SH3RF1: variants seen among roughly 807,000 people sequenced by gnomAD.
SH3RF1 encodes SH3 domain containing ring finger 1.
SH3RF1 carries 32 observed loss-of-function variants against 74.0 expected under a neutral mutation model. The observed-to-expected ratio is 0.43, with a 90% CI of 0.33 to 0.58. The LOEUF (loss-of-function observed/expected upper bound fraction) is 0.58. Among genes scored for constraint, SH3RF1 ranks in the 20% least tolerant of loss-of-function variants. The probability of loss-of-function intolerance (pLI) is 0.05; values close to 1 mark genes in which losing one functional copy is unlikely to be tolerated. For synonymous variants in SH3RF1, 396 were observed against 439.6 expected (o/e 0.90, Z 1.24); for missense variants, 954 against 1,130.9 (o/e 0.84, Z 2.24).
chr4:169,230,331 C>T (rs557894660), intron 2 of SH3RF1, among the ~76,000 whole-genome samples: 85 of 152,196 alleles, frequency 5.6e-4, no homozygotes, highest in Non-Finnish European at 1.1e-3. Context: ...CAAATAGAGC[C>T]GTGGATGCCC....
intron 11 of SH3RF1, among the ~76,000 whole-genome samples, chr4:169,100,796 C>T (rs556638393): frequency 6.6e-5 from 10 of 152,210 alleles, no homozygotes; most frequent in Non-Finnish European, 8.8e-5. Context: ...ACAGCTGTAG[C>T]TACTACTATC....
At chr4:169,152,236 A>C (rs185981327) in intron 4 of SH3RF1, among the ~76,000 whole-genome samples, 55 of 152,296 alleles carry the variant, frequency 3.6e-4, no homozygotes, top group African/African-American at 1.3e-3. Context: ...GTCTGAAAGA[A>C]TCTCCGGAGG....
At chr4:169,205,365 T>C (rs192040124) in intron 2 of SH3RF1, among the ~76,000 whole-genome samples, 1 of 152,350 alleles carries the variant, frequency 6.6e-6, no homozygotes, top group African/African-American at 2.4e-5. Context: ...CAGATTTCTA[T>C]CATAAAAACT....
chr4:169,237,008 A>G (rs1730832789), intron 2 of SH3RF1, among the ~76,000 whole-genome samples: 1 of 152,242 alleles, frequency 6.6e-6, no homozygotes, highest in Non-Finnish European at 1.5e-5. Flanking sequence ...ATACATACAT[A>G]AACAAGCACA....
rs867742842 is a variant in SH3RF1 at position 169,162,636 on chromosome 4, C to T, written c.394-5957G>A. Among the ~76,000 whole-genome samples, 10 of 152,338 alleles carry T rather than the reference C, an allele frequency of 6.6e-5. No homozygotes were observed. The South Asian group carries it at 2.1e-3, about 32-fold the overall frequency. On this transcript the variant is annotated intron_variant, in intron 2 of 11. Transcript: ENST00000284637. ...ACTACCAGCACTTTGAGGATGGCAG[C>T]TGCAAATAAACAGAAATTAAGACAA...
chr4:169,171,399 G>A (rs1358758014), intron 2 of SH3RF1, among the ~76,000 whole-genome samples: 2 of 152,150 alleles, frequency 1.3e-5, no homozygotes, highest in South Asian at 4.1e-4. Flanking sequence ...GTCTCATTAA[G>A]TGCTAAGCAG....
At chr4:169,158,590 G>C (rs1292166855) in intron 2 of SH3RF1, among the ~76,000 whole-genome samples, 1 of 152,204 alleles carries the variant, frequency 6.6e-6, no homozygotes, top group Non-Finnish European at 1.5e-5. Context: ...GATCAGTCTG[G>C]CAGTAGTGTG....
At chr4:169,111,573 T>C (rs1222065237) in intron 10 of SH3RF1, among the ~76,000 whole-genome samples, 1 of 151,984 alleles carries the variant, frequency 6.6e-6, no homozygotes, top group East Asian at 1.9e-4. Flanking sequence ...CCTTAATCTT[T>C]TTATAACAAC....
At chr4:169,140,583 AAAT>A (rs1417242332) in intron 4 of SH3RF1, among the ~76,000 whole-genome samples, 1 of 152,246 alleles carries the variant, frequency 6.6e-6, no homozygotes, top group Non-Finnish European at 1.5e-5. Flanking sequence ...AAGTATAAAT[AAAT>A]ATGAGATGAA....
At chr4:169,148,415 T>G (rs139903414) in intron 4 of SH3RF1, among the ~76,000 whole-genome samples, 37 of 152,314 alleles carry the variant, frequency 2.4e-4, no homozygotes, top group African/African-American at 7.9e-4. Flanking sequence ...AGTACTACAA[T>G]TATATGGCGA....
intron 2 of SH3RF1, among the ~76,000 whole-genome samples, chr4:169,197,119 C>T (rs1183404981): frequency 6.6e-6 from 1 of 152,038 alleles, no homozygotes; most frequent in African/African-American, 2.4e-5. Context: ...AATTATCCTG[C>T]CTCAGCCTCC....
intron 4 of SH3RF1, among the ~76,000 whole-genome samples, chr4:169,148,685 C>A (rs1579107181): frequency 6.6e-6 from 1 of 151,982 alleles, no homozygotes. Flanking sequence ...ATGGTACAAA[C>A]GGGGTACTGT....
rs141868581 is a variant in SH3RF1 at position 169,162,145 on chromosome 4, A to G, written c.394-5466T>C. ...GCACTCCAGCCTGGGCAATAGAGTG[A>G]GACTCCGTCTCAGAAAAAAAAGTAA... On this transcript the variant is annotated intron_variant, in intron 2 of 11. Coordinates refer to ENST00000284637, the MANE Select transcript of SH3RF1 (RefSeq NM_020870.4). Among the ~76,000 whole-genome samples, 293 of 152,328 alleles carry G rather than the reference A, an allele frequency of 1.9e-3. 3 individuals are homozygous for G. Among genetic ancestry groups the G allele is most frequent in the African/African-American group, 6.9e-3 (286 of 41,570 alleles).
In SH3RF1 at chr4:169,124,381, T is replaced by C. The variant is rs77562442; in HGVS notation, c.1180-2115A>G. 1.7e-3 allele frequency among the ~76,000 whole-genome samples: 265 copies of C among 152,300 alleles called. 6 individuals are homozygous for C. In the East Asian group the frequency reaches 0.034, roughly 20 times the overall value. On this transcript the variant is annotated intron_variant, in intron 6 of 11. Coordinates refer to ENST00000284637, the MANE Select transcript of SH3RF1 (RefSeq NM_020870.4). Reference sequence around the variant, plus strand: ...TTGTAATATAAATAAAATTTTGTAATAAAATATAAAATCACTTCTTGTCAC... The same window carrying C: ...TTGTAATATAAATAAAATTTTGTAACAAAATATAAAATCACTTCTTGTCAC...
intron 2 of SH3RF1, among the ~76,000 whole-genome samples, chr4:169,234,674 T>G (rs1166788254): frequency 6.6e-6 from 1 of 152,230 alleles, no homozygotes; most frequent in African/African-American, 2.4e-5. Flanking sequence ...CCTCATACCA[T>G]TTCCAATAGA....
rs1426323521 is a variant in SH3RF1 at position 169,136,520 on chromosome 4, G to A, written c.866C>T (p.Ala289Val). The A allele has an allele frequency of 2.5e-6, 4 of 1,613,834 alleles. No homozygotes were observed. Among genetic ancestry groups the A allele is most frequent in the Non-Finnish European group, 3.4e-6 (4 of 1,179,870 alleles). The change falls in exon 5 of 12, where the codon GCC (alanine) becomes GTC (valine). Residue 289 changes from alanine (A) to valine (V), a missense_variant. By Grantham distance (64) the Ala-to-Val change is moderately conservative (BLOSUM62 0). Coordinates refer to ENST00000284637, the MANE Select transcript of SH3RF1 (RefSeq NM_020870.4). ...CSSAAAQSST[A>V]PKHSDTKKNT... Reference sequence around the variant, plus strand: ...CTTCTTGGTGTCGGAGTGCTTTGGGGCAGTGCTGCTCTGGGCTGCTGCCGA... The same window carrying A: ...CTTCTTGGTGTCGGAGTGCTTTGGGACAGTGCTGCTCTGGGCTGCTGCCGA...
intron 2 of SH3RF1, among the ~76,000 whole-genome samples, chr4:169,261,903 A>T (rs1345963817): frequency 6.6e-6 from 1 of 152,078 alleles, no homozygotes. Context: ...TAATTCTTAA[A>T]ACAAAGAAAA....
At chr4:169,192,047 G>A (rs182944998) in intron 2 of SH3RF1, among the ~76,000 whole-genome samples, 4 of 152,230 alleles carry the variant, frequency 2.6e-5, no homozygotes, top group Admixed American at 6.5e-5. Flanking sequence ...AAATAGCTGG[G>A]ACTTAATTAT....
chr4:169,106,353 G>C (rs1375506151), intron 11 of SH3RF1, among the ~76,000 whole-genome samples: 1 of 151,988 alleles, frequency 6.6e-6, no homozygotes, highest in Non-Finnish European at 1.5e-5. Flanking sequence ...CTGGCCATAT[G>C]AGTATATTTT....
Sources: gnomAD v4.1 joint callset for allele counts (sites outside exome capture counted in the v4.1 genomes callset) on GRCh38, gnomAD v4.1.1 for gene constraint, MANE v1.5 for transcripts, NCBI Gene and HGNC (gene_info 2026-07-23, HGNC 2026-07-21) for gene names.